Variants in NEK10 observed in about 807,000 individuals in gnomAD.
NEK10 encodes the protein NIMA related kinase 10.
A neutral mutation model predicts 159.8 loss-of-function variants in NEK10; 122 were observed. That is an observed-to-expected ratio of 0.76 (90% CI 0.66 to 0.89). The LOEUF (loss-of-function observed/expected upper bound fraction) is 0.89. NEK10 is among the 40% of genes least tolerant of loss of function. The pLI, the probability that NEK10 is intolerant of heterozygous loss-of-function variation, is 0.00. For missense variants in NEK10, 1,342 were observed against 1,323.1 expected (o/e 1.01, Z -0.22); for synonymous variants, 466 against 457.1 (o/e 1.02, Z -0.25).
chr3:27,258,286 T>G (rs1235980367), intron 22 of NEK10, among the ~76,000 whole-genome samples: 1 of 152,092 alleles, frequency 6.6e-6, no homozygotes. Context: ...TTGTTACATA[T>G]GTATACATGT....
chr3:27,349,722 G>C (rs1450511682), intron 3 of NEK10, among the ~76,000 whole-genome samples: 2 of 152,134 alleles, frequency 1.3e-5, no homozygotes, highest in African/African-American at 4.8e-5. Flanking sequence ...TTCAAGATTT[G>C]TGAAAAGCTC....
At position 27,352,793 on chromosome 3, in the gene NEK10, A is replaced by G; in HGVS notation, c.71+19T>C. ...CACTGCCTGAGTTAACAATTAGCAA[A>G]CACTCAGTAGGGAGTTACCTGATGG... On this transcript the variant is annotated intron_variant, in intron 2 of 35. Coordinates refer to ENST00000691995, the MANE Select transcript of NEK10 (RefSeq NM_001394966.1). 6.4e-7 allele frequency: 1 copy of G among 1,561,814 alleles called. No homozygotes were observed. Among genetic ancestry groups the G allele is most frequent in the Non-Finnish European group, 8.8e-7 (1 of 1,133,180 alleles).
At chr3:27,233,307 T>C (rs994802248) in intron 23 of NEK10, among the ~76,000 whole-genome samples, 1 of 152,012 alleles carries the variant, frequency 6.6e-6, no homozygotes, top group Admixed American at 6.6e-5. Flanking sequence ...ACATCACTAA[T>C]CATCAGGGAA....
At chr3:27,251,306 G>A (rs886401974) in intron 23 of NEK10, among the ~76,000 whole-genome samples, 3 of 152,114 alleles carry the variant, frequency 2.0e-5, no homozygotes, top group African/African-American at 7.2e-5. Context: ...GAAAATCCCT[G>A]CCCAAATCTC....
intron 5 of NEK10, among the ~76,000 whole-genome samples, 153 bp from the exon 6 acceptor site, chr3:27,322,414 A>T (rs1049282413): frequency 1.3e-4 from 20 of 152,316 alleles, no homozygotes; most frequent in African/African-American, 4.3e-4. Context: ...CACTTGACTC[A>T]TTTTAATTCA....
At chr3:27,344,501 C>T (rs2047415754) in intron 4 of NEK10, 131 bp from the exon 5 acceptor site, 1 of 471,776 alleles carries the variant, frequency 2.1e-6, no homozygotes, top group African/African-American at 2.0e-5. Context: ...AATGAGGATT[C>T]AGGCAAATAT....
At chr3:27,199,475 C>T (rs13326867) in intron 25 of NEK10, among the ~76,000 whole-genome samples, 27,065 of 152,036 alleles carry the variant, frequency 0.18, 4,594 homozygotes, top group African/African-American at 0.45. Flanking sequence ...TGGAAAGGTT[C>T]AGCGAAAAAG....
intron 22 of NEK10, among the ~76,000 whole-genome samples, chr3:27,257,843 C>T (rs1161880362): frequency 6.9e-6 from 1 of 144,422 alleles, no homozygotes; most frequent in African/African-American, 2.6e-5. Context: ...GTCTGGAGTG[C>T]AGTGGCGCAA....
Position 27,215,373 on chromosome 3 carries a change from G to A in NEK10, c.2091-12816C>T, listed in dbSNP as rs372248602. On this transcript the variant is annotated intron_variant, in intron 23 of 35. Transcript: ENST00000691995. Reference sequence around the variant, plus strand: ...TGGACCTGGTGTGGCTGAATGAAATGACACTTCAAAATTGTAGGACTGTGG... The same window carrying A: ...TGGACCTGGTGTGGCTGAATGAAATAACACTTCAAAATTGTAGGACTGTGG... Among the ~76,000 whole-genome samples, 19 of 152,292 alleles carry A rather than the reference G, an allele frequency of 1.2e-4. No individual in the cohort carries two copies. The South Asian group carries it at 3.7e-3, about 30-fold the overall frequency.
intron 22 of NEK10, among the ~76,000 whole-genome samples, chr3:27,282,435 G>A (rs963020785): frequency 6.6e-6 from 1 of 150,978 alleles, no homozygotes; most frequent in Non-Finnish European, 1.5e-5. Flanking sequence ...ATCTTCATAG[G>A]AAAATAAAAT....
chr3:27,348,119 G>T (rs905270496), intron 3 of NEK10, among the ~76,000 whole-genome samples: 2 of 152,184 alleles, frequency 1.3e-5, no homozygotes, highest in African/African-American at 4.8e-5. Context: ...TAATCCAAAT[G>T]ATATCTAACA....
At chr3:27,296,710 A>G (rs1467871668) in intron 14 of NEK10, among the ~76,000 whole-genome samples, 1 of 152,232 alleles carries the variant, frequency 6.6e-6, no homozygotes, top group Non-Finnish European at 1.5e-5. Context: ...AAACATGTAT[A>G]TATAGCTGTA....
Position 27,232,154 on chromosome 3 carries a change from C to T in NEK10, c.2090+24142G>A, listed in dbSNP as rs566510140. 9.8e-4 allele frequency among the ~76,000 whole-genome samples: 149 copies of T among 151,616 alleles called. 1 individual carries two copies. Among genetic ancestry groups the T allele is most frequent in the South Asian group, 1.5e-3 (7 of 4,804 alleles). ...TAACACATCGTGATATGATCATATACGCAGAAAACCTAAAAACTCATCCAA... is the reference window on the plus strand; with the variant it reads ...TAACACATCGTGATATGATCATATATGCAGAAAACCTAAAAACTCATCCAA... On this transcript the variant is annotated intron_variant, in intron 23 of 35. Transcript: ENST00000691995.
intron 1 of NEK10, among the ~76,000 whole-genome samples, chr3:27,356,923 C>T (rs563117102): frequency 1.3e-5 from 2 of 152,294 alleles, no homozygotes; most frequent in South Asian, 2.1e-4. Context: ...TAGAACAGCA[C>T]ATAGTGCATG....
rs1320042327 is a variant in NEK10 at position 27,109,064 on chromosome 3, C to G, written c.*2208G>C. Among the ~76,000 whole-genome samples the G allele has an allele frequency of 3.9e-5, 6 of 152,140 alleles. No homozygotes were observed. The highest frequency in any genetic ancestry group is 3.9e-4 in the Admixed American group (6 of 15,272). On this transcript the variant is annotated 3_prime_UTR_variant, in exon 36 of 36. Coordinates refer to ENST00000691995, the MANE Select transcript of NEK10 (RefSeq NM_001394966.1). ...CACTGACTTCTAGCATAATAAATGC[C>G]CATTCCTATCACCTAAAAGAGTTAC...
At chr3:27,259,914 C>G (rs2040245447) in intron 22 of NEK10, among the ~76,000 whole-genome samples, 1 of 152,080 alleles carries the variant, frequency 6.6e-6, no homozygotes, top group Non-Finnish European at 1.5e-5. Context: ...GTTTGTAGTT[C>G]TCCTTGAAGA....
rs1167391715 is a variant in NEK10, at chr3:27,110,857, G to A, written c.*415C>T. The A allele has an allele frequency of 1.3e-5, 2 of 155,336 alleles. No homozygotes were observed. Among genetic ancestry groups the A allele is most frequent in the South Asian group, 2.1e-4 (1 of 4,864 alleles). The allele number at this position is 155,336 out of a possible 1,614,324, so 9.6% of individuals were successfully genotyped here. ...CTAAAATATTTTTTACATATGGAAG[G>A]CTAGATGTCTTTAAATATACTTTTA... is the stretch of plus-strand genomic sequence containing the variant. On this transcript the variant is annotated 3_prime_UTR_variant, in exon 36 of 36. Coordinates refer to ENST00000691995, the MANE Select transcript of NEK10 (RefSeq NM_001394966.1).
intron 32 of NEK10, among the ~76,000 whole-genome samples, chr3:27,130,065 C>A (rs186684521): frequency 6.6e-6 from 1 of 152,256 alleles, no homozygotes; most frequent in East Asian, 1.9e-4. Flanking sequence ...AAGCCTGAAG[C>A]TGCCTGTAGA....
At chr3:27,331,237 CA>C (rs11351970) in intron 5 of NEK10, among the ~76,000 whole-genome samples, 9,909 of 29,600 alleles carry the variant, frequency 0.33, 1,354 homozygotes, top group African/African-American at 0.43. Flanking sequence ...GACTCTGTCT[CA>C]AAAAAAAAAA....
Sources: allele counts gnomAD v4.1 joint callset (sites outside exome capture counted in the v4.1 genomes callset), GRCh38; gene constraint gnomAD v4.1.1; transcripts MANE v1.5; gene names NCBI Gene and HGNC (gene_info 2026-07-23, HGNC 2026-07-21).